The following PRCP variants were observed in gnomAD, a reference collection of about 807,000 sequenced individuals.
PRCP encodes prolylcarboxypeptidase.
In PRCP, 46 loss-of-function variants were observed where a neutral mutation model predicts 54.2. That is an observed-to-expected ratio of 0.85 (90% CI 0.67 to 1.09). The LOEUF (loss-of-function observed/expected upper bound fraction) is 1.09, where lower values mean the gene tolerates loss of function less well. Ranked by LOEUF, PRCP falls within the 50% of genes least tolerant of loss-of-function variation. The probability of loss-of-function intolerance (pLI) is 0.00; values close to 1 mark genes in which losing one functional copy is unlikely to be tolerated. For synonymous variants in PRCP, 240 were observed against 212.2 expected (o/e 1.13, Z -1.14); for missense variants, 613 against 596.8 (o/e 1.03, Z -0.28).
At chr11:82,848,512 G>A (rs1188525068) in intron 6 of PRCP, among the ~76,000 whole-genome samples, 5 of 152,166 alleles carry the variant, frequency 3.3e-5, no homozygotes, top group Non-Finnish European at 4.4e-5. Context: ...CAGCAGTTCT[G>A]GACCAAAACC....
intron 2 of PRCP, among the ~76,000 whole-genome samples, chr11:82,857,034 C>CA (rs11388763): frequency 0.73 from 86,838 of 118,984 alleles, 32,510 homozygotes; most frequent in East Asian, 0.84. Flanking sequence ...GCCTCTGTCT[C>CA]AAAAAAAAAA....
At chr11:82,875,875 C>T (rs964581832) in intron 1 of PRCP, among the ~76,000 whole-genome samples, 2 of 152,174 alleles carry the variant, frequency 1.3e-5, no homozygotes, top group Admixed American at 6.5e-5. Context: ...CGTCTTCTAC[C>T]ACATGGCCCT....
At chr11:82,851,028 A>AT (rs1858941006) in intron 3 of PRCP, among the ~76,000 whole-genome samples, 1 of 152,158 alleles carries the variant, frequency 6.6e-6, no homozygotes, top group South Asian at 2.1e-4. Flanking sequence ...AGAAAAAAAA[A>AT]CTATTTTCAG....
chr11:82,882,526 C>T (rs1004517066), intron 1 of PRCP, among the ~76,000 whole-genome samples: 3 of 136,968 alleles, frequency 2.2e-5, no homozygotes, highest in Admixed American at 7.4e-5. Context: ...GACGGAGTCT[C>T]GCTCTGTCGC....
chr11:82,850,574 C>G lies in PRCP; in HGVS notation c.412-69G>C, dbSNP rs938487146. 26 of 1,204,770 alleles carry G rather than the reference C, an allele frequency of 2.2e-5. No homozygotes were observed. In the African/African-American group the frequency reaches 3.6e-4, roughly 17 times the overall value. The allele number at this position is 1,204,770 out of a possible 1,614,324, so 74.6% of individuals were successfully genotyped here. ...ACAGCAGCTTAGGAATAGCATGGAT[C>G]CAGAAGAGAGCCAGTGTCAGATAAG... On this transcript the variant is annotated intron_variant, in intron 3 of 8. Coordinates refer to ENST00000313010, the MANE Select transcript of PRCP (RefSeq NM_005040.4).
chr11:82,846,911 T>C (rs1341992102), intron 6 of PRCP, among the ~76,000 whole-genome samples: 3 of 152,232 alleles, frequency 2.0e-5, no homozygotes, highest in Admixed American at 2.0e-4. Flanking sequence ...AGCCTTTTTC[T>C]AGATAAGTGG....
chr11:82,864,005 T>C (rs1018912510), intron 1 of PRCP, among the ~76,000 whole-genome samples: 1 of 152,224 alleles, frequency 6.6e-6, no homozygotes, highest in Admixed American at 6.5e-5. Context: ...GATAACCACA[T>C]ACAATTCAAA....
At chr11:82,894,663 C>T (rs1448759885) in intron 1 of PRCP, among the ~76,000 whole-genome samples, 1 of 152,188 alleles carries the variant, frequency 6.6e-6, no homozygotes, top group African/African-American at 2.4e-5. Flanking sequence ...TTCTCTAAAG[C>T]ACAAAGTTCC....
At chr11:82,828,358 G>A (rs564329724) in intron 8 of PRCP, 2 of 141,202 alleles carry the variant, frequency 1.4e-5, no homozygotes, top group African/African-American at 2.9e-5. Flanking sequence ...ACACACTTTG[G>A]TTCCAGTCCC....
intron 3 of PRCP, among the ~76,000 whole-genome samples, chr11:82,852,419 T>G (rs992367506): frequency 2.0e-5 from 3 of 152,224 alleles, no homozygotes; most frequent in Non-Finnish European, 4.4e-5. Context: ...CTGATGGTAT[T>G]AGGAAGCACA....
chr11:82,845,003 GA>G (rs1858771635), intron 6 of PRCP, among the ~76,000 whole-genome samples: 1 of 143,436 alleles, frequency 7.0e-6, no homozygotes. Flanking sequence ...GTGGCAATAT[GA>G]AATCATAAAA....
chr11:82,861,126 C>A (rs1286217691), intron 1 of PRCP, among the ~76,000 whole-genome samples: 2 of 151,478 alleles, frequency 1.3e-5, no homozygotes, highest in African/African-American at 4.9e-5. Context: ...GGTTCATTTG[C>A]CACCATTTGT....
intron 1 of PRCP, among the ~76,000 whole-genome samples, chr11:82,889,457 G>A (rs376128260): frequency 5.9e-5 from 9 of 152,036 alleles, no homozygotes; most frequent in African/African-American, 1.7e-4. Context: ...AGAAAGAAGA[G>A]GAAGAGGAAG....
rs1445862909 is a variant in PRCP at position 82,822,950 on chromosome 11, A to T, written c.*1956T>A. Among the ~76,000 whole-genome samples the T allele has an allele frequency of 6.6e-6, 1 of 152,244 alleles. No individual in the cohort carries two copies. Among genetic ancestry groups the T allele is most frequent in the Admixed American group, 6.5e-5 (1 of 15,288 alleles). ...GTCTCCATGTCTCTCTTTCCCTGTCAGTAAAAAGTGCAGTTTTATTAGAGG... is the reference window on the plus strand; with the variant it reads ...GTCTCCATGTCTCTCTTTCCCTGTCTGTAAAAAGTGCAGTTTTATTAGAGG... On this transcript the variant is annotated 3_prime_UTR_variant, in exon 9 of 9. Coordinates refer to ENST00000313010, the MANE Select transcript of PRCP (RefSeq NM_005040.4).
intron 1 of PRCP, among the ~76,000 whole-genome samples, chr11:82,872,099 A>C (rs1015233043): frequency 1.3e-5 from 2 of 152,312 alleles, no homozygotes; most frequent in Non-Finnish European, 1.5e-5. Context: ...TATTGTTGTT[A>C]ATCTCTTATT....
chr11:82,852,287 TTATAA>T (rs1414542357), intron 3 of PRCP, among the ~76,000 whole-genome samples: 1 of 152,212 alleles, frequency 6.6e-6, no homozygotes, highest in Non-Finnish European at 1.5e-5. Flanking sequence ...TTGTATTTAT[TTATAA>T]TATGAGATAG....
At chr11:82,838,364 A>G in intron 8 of PRCP, 23 bp downstream of exon 8, 1 of 1,582,718 alleles carries the variant, frequency 6.3e-7, no homozygotes, top group Non-Finnish European at 8.6e-7. Context: ...ACTGAAGTTT[A>G]TCTTTGGACA....
At chr11:82,890,731 G>A (rs1232095229) in intron 1 of PRCP, among the ~76,000 whole-genome samples, 1 of 152,148 alleles carries the variant, frequency 6.6e-6, no homozygotes, top group Non-Finnish European at 1.5e-5. Context: ...CTCACCCTCT[G>A]AGGAAATTGC....
chr11:82,884,859 T>C, intron 1 of PRCP: 1 of 1,613,616 alleles, frequency 6.2e-7, no homozygotes, highest in Non-Finnish European at 8.5e-7. Flanking sequence ...GGATAATACA[T>C]ATGTGCAACT....
Sources: allele counts gnomAD v4.1 joint callset (sites outside exome capture counted in the v4.1 genomes callset), GRCh38; gene constraint gnomAD v4.1.1; transcripts MANE v1.5; gene names NCBI Gene and HGNC (gene_info 2026-07-23, HGNC 2026-07-21).